ACTR2: variants seen among roughly 807,000 people sequenced by gnomAD.
ACTR2 encodes actin-related protein 2.
A neutral mutation model predicts 50.2 loss-of-function variants in ACTR2; 5 were observed. That is an observed-to-expected ratio of 0.10 (90% confidence interval 0.05 to 0.21). ACTR2 has a LOEUF of 0.21. Ranked by LOEUF, ACTR2 falls within the 10% of genes least tolerant of loss-of-function variation. ACTR2 has a pLI of 1.00. For missense variants in ACTR2, 180 were observed against 480.6 expected (o/e 0.37, Z 5.85); for synonymous variants, 140 against 162.9 (o/e 0.86, Z 1.07).
At chr2:65,239,143 C>T (rs994068537) in intron 1 of ACTR2, among the ~76,000 whole-genome samples, 6 of 152,134 alleles carry the variant, frequency 3.9e-5, no homozygotes, top group Non-Finnish European at 4.4e-5. Flanking sequence ...CATTTTCTCA[C>T]ATTTCTCTTT....
intron 6 of ACTR2, among the ~76,000 whole-genome samples, chr2:65,257,770 C>T (rs1443114430): frequency 6.6e-6 from 1 of 152,172 alleles, no homozygotes; most frequent in African/African-American, 2.4e-5. Flanking sequence ...GTATCCTTTG[C>T]CCACTTTTTC....
At chr2:65,263,278 T>C (rs527475546) in intron 7 of ACTR2, among the ~76,000 whole-genome samples, 5 of 149,630 alleles carry the variant, frequency 3.3e-5, no homozygotes, top group Admixed American at 3.3e-4. Context: ...TTTTTTTTTT[T>C]CAGTTTTGAA....
chr2:65,247,579 C>A (rs2103998330), intron 3 of ACTR2, among the ~76,000 whole-genome samples: 1 of 151,966 alleles, frequency 6.6e-6, no homozygotes, highest in East Asian at 1.9e-4. Context: ...CAGAGCGAGA[C>A]TCCGTCTCAA....
chr2:65,267,921 C>G (rs546903500), intron 8 of ACTR2, among the ~76,000 whole-genome samples: 44 of 121,278 alleles, frequency 3.6e-4, no homozygotes, highest in Admixed American at 8.5e-4. Flanking sequence ...ACTGCAAGCT[C>G]CACCTCCCAG....
At chr2:65,234,452 G>T (rs1671701034) in intron 1 of ACTR2, among the ~76,000 whole-genome samples, 1 of 151,888 alleles carries the variant, frequency 6.6e-6, no homozygotes, top group South Asian at 2.1e-4. Context: ...AGTAATAGTA[G>T]GTTTACAGTT....
At chr2:65,252,526 T>C (rs1672073237) in intron 4 of ACTR2, among the ~76,000 whole-genome samples, 1 of 151,928 alleles carries the variant, frequency 6.6e-6, no homozygotes, top group African/African-American at 2.4e-5. Flanking sequence ...GTGCCTGTAA[T>C]CCCAGCTACT....
At chr2:65,261,490 A>C in intron 7 of ACTR2, 98 bp downstream of exon 7, 1 of 1,181,662 alleles carries the variant, frequency 8.5e-7, no homozygotes. Flanking sequence ...AAATAGAATG[A>C]CTAAGTTTAT....
At chr2:65,267,921 C>T (rs546903500) in intron 8 of ACTR2, among the ~76,000 whole-genome samples, 1 of 121,166 alleles carries the variant, frequency 8.3e-6, no homozygotes, top group Non-Finnish European at 1.7e-5. Context: ...ACTGCAAGCT[C>T]CACCTCCCAG....
At chr2:65,231,263 TGAA>T (rs1573145007) in intron 1 of ACTR2, among the ~76,000 whole-genome samples, 1 of 152,306 alleles carries the variant, frequency 6.6e-6, no homozygotes, top group East Asian at 1.9e-4. Context: ...TGGTTTCAAA[TGAA>T]GAAACAGTGC....
At chr2:65,244,957 AAAG>A (rs1286803524) in intron 2 of ACTR2, among the ~76,000 whole-genome samples, 7 of 151,930 alleles carry the variant, frequency 4.6e-5, no homozygotes, top group Admixed American at 1.3e-4. Flanking sequence ...AAAAAAAAAA[AAAG>A]AGTGTAAACA....
chr2:65,259,662 G>A (rs899092903), intron 6 of ACTR2, among the ~76,000 whole-genome samples: 6 of 152,184 alleles, frequency 3.9e-5, no homozygotes, highest in Non-Finnish European at 8.8e-5. Context: ...CCAGTAGGCA[G>A]AGGTTGCACT....
chr2:65,257,001 T>A (rs1672162567), intron 6 of ACTR2, among the ~76,000 whole-genome samples: 1 of 152,082 alleles, frequency 6.6e-6, no homozygotes, highest in Admixed American at 6.6e-5. Context: ...AAAATGCAGG[T>A]TTGTTACATA....
intron 1 of ACTR2, among the ~76,000 whole-genome samples, chr2:65,229,563 C>T (rs1671595888): frequency 6.6e-6 from 1 of 151,930 alleles, no homozygotes; most frequent in Non-Finnish European, 1.5e-5. Flanking sequence ...TGAGACCAGG[C>T]TGGCCAACAT....
At position 65,238,694 on chromosome 2, in the gene ACTR2, C is replaced by G. The variant is rs562552969; in HGVS notation, c.49-1158C>G. Among the ~76,000 whole-genome samples the G allele has an allele frequency of 9.0e-4, 130 of 145,166 alleles. 2 individuals are homozygous for G. The South Asian group carries it at 0.028, about 31-fold the overall frequency. ...AAAAAAGTAAATAGCTAGCCAGGCG[C>G]GGTGACTCAACGCCTGCAATCCCAG... On this transcript the variant is annotated intron_variant, in intron 1 of 8. Coordinates refer to ENST00000260641, the MANE Select transcript of ACTR2 (RefSeq NM_005722.4).
rs1057452073 is a variant in ACTR2 at position 65,237,442 on chromosome 2, G to A, written c.49-2410G>A. On this transcript the variant is annotated intron_variant, in intron 1 of 8. Transcript: ENST00000260641. Reference sequence around the variant, plus strand: ...ATTTTTTCCGGGGGGGAATCTTGCCGTGTTGCCCATACTGGTCTCGAGCTT... The same window carrying A: ...ATTTTTTCCGGGGGGGAATCTTGCCATGTTGCCCATACTGGTCTCGAGCTT... Among the ~76,000 whole-genome samples the A allele has an allele frequency of 3.9e-5, 6 of 151,922 alleles. 1 individual carries two copies. Among genetic ancestry groups the A allele is most frequent in the African/African-American group, 1.2e-4 (5 of 41,352 alleles).
At chr2:65,230,038 C>G (rs1369823731) in intron 1 of ACTR2, among the ~76,000 whole-genome samples, 1 of 152,106 alleles carries the variant, frequency 6.6e-6, no homozygotes, top group Non-Finnish European at 1.5e-5. Flanking sequence ...GACTTCATGA[C>G]CTTTCTGAAT....
At chr2:65,265,291 C>A in intron 8 of ACTR2, 116 bp downstream of exon 8, 3 of 1,071,800 alleles carry the variant, frequency 2.8e-6, no homozygotes, top group Non-Finnish European at 4.3e-6. Flanking sequence ...ATTCCTACTG[C>A]AGTCAAGTGC....
At chr2:65,249,495 A>C (rs1412961714) in intron 3 of ACTR2, among the ~76,000 whole-genome samples, 4 of 152,174 alleles carry the variant, frequency 2.6e-5, no homozygotes, top group Non-Finnish European at 5.9e-5. Context: ...TTCCATTTTC[A>C]TCCCTGTGGA....
chr2:65,244,927 G>A (rs1671907774), intron 2 of ACTR2, among the ~76,000 whole-genome samples: 1 of 140,430 alleles, frequency 7.1e-6, no homozygotes, highest in South Asian at 2.2e-4. Context: ...GGGTGACAGA[G>A]TGAGACCCCA....
Sources: allele counts gnomAD v4.1 joint callset (sites outside exome capture counted in the v4.1 genomes callset), GRCh38; gene constraint gnomAD v4.1.1; transcripts MANE v1.5; gene names NCBI Gene and HGNC (gene_info 2026-07-23, HGNC 2026-07-21).